The following RNF17 variants were observed in gnomAD, a reference collection of about 807,000 sequenced individuals.
The protein encoded by RNF17 is spermatogenesis associated 23.
RNF17 carries 31 observed loss-of-function variants against 200.5 expected under a neutral mutation model. That is an observed-to-expected ratio of 0.15 (90% confidence interval 0.12 to 0.21). RNF17 has a LOEUF of 0.21. Ranked by LOEUF, RNF17 falls within the 10% of genes least tolerant of loss-of-function variation. The probability of loss-of-function intolerance (pLI) is 1.00; values close to 1 mark genes in which losing one functional copy is unlikely to be tolerated. For synonymous variants in RNF17, 606 were observed against 637.8 expected, an observed-to-expected ratio of 0.95 and a Z score of 0.75; for missense variants, 1,628 against 1,905.1, an observed-to-expected ratio of 0.85 and a Z score of 2.71.
rs1486312786 is a variant in RNF17 at position 24,859,011 on chromosome 13, A to T, written c.3621A>T (p.Leu1207=). 1 of 1,577,634 alleles carries T rather than the reference A, an allele frequency of 6.3e-7. No homozygotes were observed. The highest frequency in any genetic ancestry group is 8.7e-7 in the Non-Finnish European group (1 of 1,151,498). Residue 1207 remains leucine (L), a synonymous_variant, in exon 26 of 36, where the codon CTA becomes CTT. Coordinates refer to ENST00000255324, the MANE Select transcript of RNF17 (RefSeq NM_031277.3). ...AATACTTTTTTTCAGAATTTGAGCTAATAAAAATGACAAATGAAATTCAAA... is the reference window on the plus strand; with the variant it reads ...AATACTTTTTTTCAGAATTTGAGCTTATAAAAATGACAAATGAAATTCAAA... The part of the protein sequence containing the change: ...FVVPKLSEFE[L]IKMTNEIQSN...
intron 16 of RNF17, chr13:24,826,185 C>A: frequency 1.5e-6 from 1 of 684,816 alleles, no homozygotes; most frequent in Non-Finnish European, 1.8e-6. Context: ...ATTGACTGAA[C>A]TGCTAGTTTT....
chr13:24,852,446 CTCTCTT>C lies in RNF17; in HGVS notation c.3320+879_3320+884del, dbSNP rs534546134. 3.5e-4 allele frequency among the ~76,000 whole-genome samples: 54 copies of C among 152,240 alleles called. No individual in the cohort carries two copies. In the South Asian group the frequency reaches 0.011, roughly 30 times the overall value. On this transcript the variant is annotated intron_variant, in intron 24 of 35. Coordinates refer to ENST00000255324, the MANE Select transcript of RNF17 (RefSeq NM_031277.3). ...AGCCACCACGCTCGGCCTCTTTTCTCTCTCTTTCTAGAGATTTAGAGGTATGTTGGA... is the reference window on the plus strand; with the variant it reads ...AGCCACCACGCTCGGCCTCTTTTCTCTCTAGAGATTTAGAGGTATGTTGGA...
the RNF17 span, among the ~76,000 whole-genome samples, chr13:24,753,541 C>A: frequency 1.3e-5 from 2 of 152,110 alleles, no homozygotes; most frequent in South Asian, 4.2e-4. Context: ...GGAAGAAAGG[C>A]AAGGAGTTGA....
At chr13:24,883,713 GAGTT>G (rs780236366), downstream of RNF17, among the ~76,000 whole-genome samples, 2 of 152,180 alleles carry the variant, frequency 1.3e-5, no homozygotes, top group African/African-American at 2.4e-5. Flanking sequence ...GTGGGGAAGA[GAGTT>G]AGTTATTCCT....
intron 18 of RNF17, among the ~76,000 whole-genome samples, chr13:24,837,172 T>A (rs1890101924): frequency 6.6e-6 from 1 of 152,160 alleles, no homozygotes; most frequent in Non-Finnish European, 1.5e-5. Flanking sequence ...AACAGGAAAG[T>A]ATCACAGTCT....
In RNF17 at chr13:24,860,681, G is replaced by T. The variant is rs574646408; in HGVS notation, c.3775-587G>T. On this transcript the variant is annotated intron_variant, in intron 26 of 35. Coordinates refer to ENST00000255324, the MANE Select transcript of RNF17 (RefSeq NM_031277.3). ...TAGAAATTGAATTATCAAAATTAAA[G>T]CATTTCAAAAAGGGATTGCTCTTGA... Among the ~76,000 whole-genome samples, 4 of 152,010 alleles carry T rather than the reference G, an allele frequency of 2.6e-5. No individual in the cohort carries two copies. The East Asian group carries it at 7.7e-4, about 29-fold the overall frequency.
intron 18 of RNF17, among the ~76,000 whole-genome samples, chr13:24,836,064 C>G (rs775611018): frequency 2.0e-5 from 3 of 152,024 alleles, no homozygotes; most frequent in African/African-American, 4.8e-5. Flanking sequence ...ATTCAGAGCT[C>G]GAAAACAAGG....
intron 2 of RNF17, among the ~76,000 whole-genome samples, chr13:24,769,863 A>T (rs139329493): frequency 3.9e-5 from 6 of 152,106 alleles, no homozygotes; most frequent in African/African-American, 1.4e-4. Flanking sequence ...CATTTATTTG[A>T]CAGTCTTTAT....
At chr13:24,872,454 G>A (rs944545128) in intron 32 of RNF17, among the ~76,000 whole-genome samples, 3 of 152,158 alleles carry the variant, frequency 2.0e-5, no homozygotes, top group Non-Finnish European at 4.4e-5. Flanking sequence ...CCATCACTCT[G>A]AAATCTAAGG....
At chr13:24,885,398 A>G in the RNF17 span, 7,464 of 1,575,374 alleles carry the variant, frequency 4.7e-3, 260 homozygotes, top group East Asian at 0.1. Context: ...TGTAAGCACA[A>G]CACATTTCAA....
At chr13:24,885,658 C>A in the RNF17 span, 1 of 1,612,124 alleles carries the variant, frequency 6.2e-7, no homozygotes, top group African/African-American at 1.3e-5. Context: ...CTTGGATCTT[C>A]GAGGTGGATT....
In RNF17 at chr13:24,861,318, T is replaced by G. The variant is rs1893082646; in HGVS notation, c.3825T>G (p.Leu1275=). Residue 1275 remains leucine (L), a synonymous_variant, in exon 27 of 36, where the codon CTT becomes CTG. Coordinates refer to ENST00000255324, the MANE Select transcript of RNF17 (RefSeq NM_031277.3). ...GFTEKIPQCH[L]YPILLYPDIP... ...CTGAAAAGATTCCGCAGTGCCATCTTTACCCTATTTTGCTGTATCCTGATA... is the reference window on the plus strand; with the variant it reads ...CTGAAAAGATTCCGCAGTGCCATCTGTACCCTATTTTGCTGTATCCTGATA... 2 of 1,594,924 alleles carry G rather than the reference T, an allele frequency of 1.3e-6. No individual in the cohort carries two copies. Among genetic ancestry groups the G allele is most frequent in the Non-Finnish European group, 1.7e-6 (2 of 1,169,174 alleles).
chr13:24,750,817 A>G, the RNF17 span: 2 of 151,864 alleles, frequency 1.3e-5, no homozygotes, highest in Non-Finnish European at 2.9e-5. Context: ...GATATTAATT[A>G]CTATTTGTTC....
At chr13:24,854,570 A>G (rs1185341772) in intron 25 of RNF17, among the ~76,000 whole-genome samples, 1 of 152,174 alleles carries the variant, frequency 6.6e-6, no homozygotes, top group Non-Finnish European at 1.5e-5. Flanking sequence ...GCATGTGCCA[A>G]AGAAGGCAAT....
intron 12 of RNF17, among the ~76,000 whole-genome samples, chr13:24,799,953 A>G (rs1462341802): frequency 6.6e-6 from 1 of 152,154 alleles, no homozygotes; most frequent in East Asian, 1.9e-4. Flanking sequence ...CATACTGTCT[A>G]ACTCACTGTA....
intron 9 of RNF17, among the ~76,000 whole-genome samples, chr13:24,790,690 T>G (rs906259263): frequency 1.3e-5 from 2 of 152,212 alleles, no homozygotes; most frequent in Non-Finnish European, 2.9e-5. Context: ...ATCATAATGC[T>G]GGCAGATTTG....
At position 24,868,689 on chromosome 13, in the gene RNF17, A is replaced by C. The variant is rs563151600; in HGVS notation, c.4251A>C (p.Gln1417His). ...LPSPGELYAVQVKHVVSPNEV... is the reference protein window; with the variant it reads ...LPSPGELYAVHVKHVVSPNEV... ...CCCCAGGAGAACTCTATGCTGTTCA[A>C]GTTAAGCACGTTGTCTCACCTAATG... The change falls in exon 31 of 36, where the codon CAA (glutamine) becomes CAC (histidine). Residue 1417 changes from glutamine to histidine, a missense_variant. Physicochemically the swap from Gln to His is conservative, Grantham distance 24. Transcript: ENST00000255324. 9.0e-5 allele frequency: 143 copies of C among 1,587,136 alleles called. 4 individuals are homozygous for C. The South Asian group carries it at 1.5e-3, about 17-fold the overall frequency.
Position 24,851,439 on chromosome 13 carries a change from C to T in RNF17, c.3205-17C>T. The stretch of plus-strand genomic sequence containing the variant: ...ATTTTGGTGTTTCATATTTACTCTG[C>T]TCTTAAATCACTACAGGAAAACAAC... On this transcript the variant is annotated splice_polypyrimidine_tract_variant and intron_variant, in intron 23 of 35. Coordinates refer to ENST00000255324, the MANE Select transcript of RNF17 (RefSeq NM_031277.3). The T allele has an allele frequency of 1.3e-6, 2 of 1,542,398 alleles. No individual in the cohort carries two copies. Among genetic ancestry groups the T allele is most frequent in the Non-Finnish European group, 1.8e-6 (2 of 1,118,156 alleles).
At chr13:24,833,052 C>G (rs981695359) in intron 18 of RNF17, among the ~76,000 whole-genome samples, 1 of 152,038 alleles carries the variant, frequency 6.6e-6, no homozygotes, top group African/African-American at 2.4e-5. Context: ...GACTGGGAAT[C>G]TGTTTTTCAT....
Sources: gnomAD v4.1 joint callset for allele counts (sites outside exome capture counted in the v4.1 genomes callset) on GRCh38, gnomAD v4.1.1 for gene constraint, MANE v1.5 for transcripts, NCBI Gene and HGNC (gene_info 2026-07-23, HGNC 2026-07-21) for gene names.